FKBP5: variants seen among roughly 807,000 people sequenced by gnomAD.
FKBP5 encodes FKBP prolyl isomerase 5, also known as peptidyl-prolyl cis-trans isomerase FKBP5.
A neutral mutation model predicts 50.5 loss-of-function variants in FKBP5; 23 were observed. That is an observed-to-expected ratio of 0.46 (90% CI 0.33 to 0.65). FKBP5 has a LOEUF of 0.65. FKBP5 is among the 30% of genes least tolerant of loss of function. FKBP5 has a pLI of 0.02. For missense variants in FKBP5, 411 were observed against 553.1 expected (o/e 0.74, Z 2.58); for synonymous variants, 176 against 190.6 (o/e 0.92, Z 0.63).
chr6:35,610,567 C>CAAA (rs35101873), intron 5 of FKBP5, among the ~76,000 whole-genome samples: 1,140 of 57,970 alleles, frequency 0.02, 95 homozygotes, highest in East Asian at 0.037. Flanking sequence ...GACTCCGTCT[C>CAAA]AAAAAAAAAA....
intron 6 of FKBP5, among the ~76,000 whole-genome samples, chr6:35,594,502 C>T (rs189672715): frequency 6.6e-6 from 1 of 152,208 alleles, no homozygotes; most frequent in East Asian, 1.9e-4. Context: ...ATACTTATAG[C>T]AACATTTAGA....
intron 3 of FKBP5, among the ~76,000 whole-genome samples, chr6:35,635,033 A>T (rs2150985666): frequency 6.7e-6 from 1 of 148,740 alleles, no homozygotes; most frequent in East Asian, 2.0e-4. Context: ...CTACAAAAAA[A>T]AAAAAAAAAA....
At chr6:35,717,577 G>A (rs1375024396) in intron 2 of FKBP5, among the ~76,000 whole-genome samples, 1 of 152,274 alleles carries the variant, frequency 6.6e-6, no homozygotes, top group Non-Finnish European at 1.5e-5. Context: ...ACACCCATGG[G>A]AGGGGCAGGG....
chr6:35,611,312 C>T (rs964164995), intron 5 of FKBP5, among the ~76,000 whole-genome samples: 2 of 152,100 alleles, frequency 1.3e-5, no homozygotes, highest in East Asian at 1.9e-4. Context: ...AAAGGAGGTA[C>T]GCCAACAACT....
chr6:35,629,057 C>T (rs1764078504), intron 3 of FKBP5, among the ~76,000 whole-genome samples: 1 of 151,898 alleles, frequency 6.6e-6, no homozygotes, highest in South Asian at 2.1e-4. Context: ...CTCTAATAAT[C>T]ATCCCTACTC....
intron 2 of FKBP5, among the ~76,000 whole-genome samples, chr6:35,711,015 T>C (rs1008159644): frequency 2.6e-5 from 4 of 152,084 alleles, no homozygotes; most frequent in African/African-American, 9.7e-5. Flanking sequence ...CAGGTAGCGA[T>C]TGATTGCAAA....
chr6:35,646,943 C>T (rs1764647159), intron 1 of FKBP5, among the ~76,000 whole-genome samples: 1 of 152,154 alleles, frequency 6.6e-6, no homozygotes, highest in African/African-American at 2.4e-5. Context: ...TCAGGTCCCC[C>T]AAATGAGAAG....
chr6:35,604,592 G>T (rs1763248900), intron 5 of FKBP5, among the ~76,000 whole-genome samples: 1 of 152,188 alleles, frequency 6.6e-6, no homozygotes, highest in Non-Finnish European at 1.5e-5. Flanking sequence ...AATATGGGCA[G>T]ACGTAATCTT....
intron 3 of FKBP5, among the ~76,000 whole-genome samples, chr6:35,626,878 T>C (rs1015716390): frequency 6.6e-6 from 1 of 152,244 alleles, no homozygotes; most frequent in African/African-American, 2.4e-5. Context: ...TATTCATCTA[T>C]TGAAGGACAC....
chr6:35,689,920 C>T (rs911557000), upstream of FKBP5, among the ~76,000 whole-genome samples: 3 of 152,194 alleles, frequency 2.0e-5, no homozygotes, highest in Non-Finnish European at 4.4e-5. Flanking sequence ...CTCTGAGTTA[C>T]TCCCATAGAG....
intron 1 of FKBP5, among the ~76,000 whole-genome samples, chr6:35,721,754 G>A (rs1023040441): frequency 2.0e-5 from 3 of 152,164 alleles, no homozygotes; most frequent in South Asian, 2.1e-4. Context: ...ATGCCCAGCC[G>A]ACAATAGTGG....
chr6:35,719,680 C>A (rs867875201), intron 2 of FKBP5, among the ~76,000 whole-genome samples: 1 of 152,194 alleles, frequency 6.6e-6, no homozygotes, highest in East Asian at 1.9e-4. Flanking sequence ...CAGGGCACCT[C>A]GACTCCAGAC....
chr6:35,631,086 A>G (rs1482799514), intron 3 of FKBP5, among the ~76,000 whole-genome samples: 1 of 152,230 alleles, frequency 6.6e-6, no homozygotes, highest in Non-Finnish European at 1.5e-5. Context: ...AGGGAAATGC[A>G]AACAAAAACC....
At chr6:35,630,119 G>C (rs894128234) in intron 3 of FKBP5, among the ~76,000 whole-genome samples, 1 of 151,944 alleles carries the variant, frequency 6.6e-6, no homozygotes, top group Non-Finnish European at 1.5e-5. Flanking sequence ...CCCAATAACA[G>C]AGCAAGTCTC....
intron 10 of FKBP5, among the ~76,000 whole-genome samples, chr6:35,576,164 CATTCCTGGAGACTGGGG>C (rs1762205123): frequency 6.6e-6 from 1 of 152,090 alleles, no homozygotes; most frequent in South Asian, 2.1e-4. Flanking sequence ...GAAGTCTGGG[CATTCCTGGAGACTGGGG>C]ACAGGACCAG....
chr6:35,597,978 T>A lies in FKBP5; in HGVS notation c.509-574A>T, dbSNP rs545208300. ...AACATCAATAACTATCTTAGCTATA[T>A]CCCTTACTGGAAATAATAAATGTAA... On this transcript the variant is annotated intron_variant, in intron 5 of 10. Transcript: ENST00000357266. Among the ~76,000 whole-genome samples the A allele has an allele frequency of 3.3e-4, 50 of 152,316 alleles. No homozygotes were observed. In the East Asian group the frequency reaches 9.3e-3, roughly 28 times the overall value.
At chr6:35,584,487 CCA>C in intron 8 of FKBP5, 1 of 985,472 alleles carries the variant, frequency 1.0e-6, no homozygotes, top group Non-Finnish European at 1.2e-6. Flanking sequence ...GCATAACATG[CCA>C]AGTCAGACAC....
At chr6:35,586,027 G>A (rs1401478327) in intron 8 of FKBP5, 1 of 985,202 alleles carries the variant, frequency 1.0e-6, no homozygotes, top group African/African-American at 1.7e-5. Context: ...ATGCCTCACT[G>A]CTTTATACTG....
At chr6:35,694,291 G>A (rs1561899426) in intron 2 of FKBP5, among the ~76,000 whole-genome samples, 1 of 152,146 alleles carries the variant, frequency 6.6e-6, no homozygotes, top group South Asian at 2.1e-4. Context: ...GACTACAGGT[G>A]TGTGCCAACA....
Sources: allele counts gnomAD v4.1 joint callset (sites outside exome capture counted in the v4.1 genomes callset), GRCh38; gene constraint gnomAD v4.1.1; transcripts MANE v1.5; gene names NCBI Gene and HGNC (gene_info 2026-07-23, HGNC 2026-07-21).